Variants in MAGI2 observed in about 807,000 individuals in gnomAD.
MAGI2 encodes the protein membrane-associated guanylate kinase, WW and PDZ domain-containing protein 2.
A neutral mutation model predicts 133.3 loss-of-function variants in MAGI2; 35 were observed. The ratio of observed to expected loss-of-function variants is 0.26; its 90% CI spans 0.20 to 0.35. MAGI2 has a LOEUF of 0.35. Among genes scored for constraint, MAGI2 ranks in the 10% least tolerant of loss-of-function variants. MAGI2 has a pLI of 1.00. For synonymous variants in MAGI2, 729 were observed against 710.6 expected (o/e 1.03, Z -0.41); for missense variants, 1,636 against 1,863.4 (o/e 0.88, Z 2.25).
chr7:78,161,631 C>A (rs1584206885), intron 15 of MAGI2, among the ~76,000 whole-genome samples: 1 of 46,442 alleles, frequency 2.2e-5, no homozygotes, highest in Non-Finnish European at 4.1e-5. Flanking sequence ...GGAGAAAAAA[C>A]AAAGACTGCA....
At position 79,171,311 on chromosome 7, in the gene MAGI2, T is replaced by A. The variant is rs878869402; in HGVS notation, c.302-164105A>T. Among the ~76,000 whole-genome samples the A allele has an allele frequency of 4.6e-5, 7 of 152,084 alleles. 1 individual carries two copies. The highest frequency in any genetic ancestry group is 4.6e-4 in the Admixed American group (7 of 15,242). ...TCACAGGGTATTCTCCCCCTGAGTGTGCCTTTGTGTCCAAATCTTCCCTTT... is the reference window on the plus strand; with the variant it reads ...TCACAGGGTATTCTCCCCCTGAGTGAGCCTTTGTGTCCAAATCTTCCCTTT... On this transcript the variant is annotated intron_variant, in intron 1 of 21. Transcript: ENST00000354212.
At chr7:78,287,690 G>GTAAAC (rs1229754694) in intron 9 of MAGI2, among the ~76,000 whole-genome samples, 1 of 152,184 alleles carries the variant, frequency 6.6e-6, no homozygotes, top group Non-Finnish European at 1.5e-5. Context: ...GAAGATGAAT[G>GTAAAC]TAAACTACAG....
At chr7:78,527,006 C>CAAAAAAAAAAAAAAAAAAAAAA (rs55707442) in intron 3 of MAGI2, among the ~76,000 whole-genome samples, 9 of 45,412 alleles carry the variant, frequency 2.0e-4, no homozygotes, top group Admixed American at 3.4e-4. Flanking sequence ...GACTCCATCT[C>CAAAAAAAAAAAAAAAAAAAAAA]AAAAAAAAAA....
chr7:78,457,991 A>G (rs1006827953), intron 6 of MAGI2, among the ~76,000 whole-genome samples: 6 of 152,158 alleles, frequency 3.9e-5, no homozygotes, highest in African/African-American at 4.8e-5. Context: ...TAGTCTACAC[A>G]TAGTTTAAAT....
intron 2 of MAGI2, among the ~76,000 whole-genome samples, chr7:78,740,990 C>T (rs1417178805): frequency 6.6e-6 from 1 of 152,128 alleles, no homozygotes; most frequent in South Asian, 2.1e-4. Context: ...ACTTAATCAA[C>T]ATCGAAAAAA....
At chr7:78,339,099 C>T (rs989673535) in intron 9 of MAGI2, among the ~76,000 whole-genome samples, 2 of 152,206 alleles carry the variant, frequency 1.3e-5, no homozygotes, top group East Asian at 1.9e-4. Flanking sequence ...GTTACAATTA[C>T]GTGTTTATGG....
intron 2 of MAGI2, among the ~76,000 whole-genome samples, chr7:78,892,489 G>A (rs1364726364): frequency 1.3e-5 from 2 of 151,954 alleles, no homozygotes; most frequent in South Asian, 4.2e-4. Context: ...ATACTACAAG[G>A]CTACAGTAAC....
chr7:78,749,568 A>C (rs1006748516), intron 2 of MAGI2, among the ~76,000 whole-genome samples: 16 of 152,196 alleles, frequency 1.1e-4, no homozygotes, highest in African/African-American at 3.9e-4. Flanking sequence ...GAAAGCCCAA[A>C]GATCACACTG....
chr7:78,639,368 A>G (rs1810026345), intron 2 of MAGI2, among the ~76,000 whole-genome samples: 1 of 152,170 alleles, frequency 6.6e-6, no homozygotes, highest in South Asian at 2.1e-4. Context: ...GAGGCTCTCA[A>G]GTACACACAT....
chr7:78,390,523 T>C (rs1795804529), intron 6 of MAGI2, among the ~76,000 whole-genome samples: 2 of 152,042 alleles, frequency 1.3e-5, no homozygotes, highest in Admixed American at 6.6e-5. Flanking sequence ...ATGTAGGTTG[T>C]CTTGACTTGG....
intron 2 of MAGI2, among the ~76,000 whole-genome samples, chr7:78,935,789 G>A (rs1800465027): frequency 6.6e-6 from 1 of 152,004 alleles, no homozygotes. Context: ...AAACTGTAAA[G>A]TTATATTGGT....
chr7:79,152,582 G>A (rs1451164266), intron 1 of MAGI2, among the ~76,000 whole-genome samples: 1 of 152,152 alleles, frequency 6.6e-6, no homozygotes, highest in Non-Finnish European at 1.5e-5. Flanking sequence ...CTGTCTGCTG[G>A]TTTCCAAACA....
chr7:78,500,178 G>C (rs1008999546), intron 5 of MAGI2, among the ~76,000 whole-genome samples: 5 of 152,214 alleles, frequency 3.3e-5, no homozygotes, highest in Admixed American at 3.3e-4. Flanking sequence ...ATGATTCAGA[G>C]TTTCCAACTT....
At chr7:78,234,966 T>C (rs1187583035) in intron 10 of MAGI2, among the ~76,000 whole-genome samples, 1 of 152,272 alleles carries the variant, frequency 6.6e-6, no homozygotes, top group East Asian at 1.9e-4. Flanking sequence ...GTGAGGAATG[T>C]GATTTTTTTT....
In MAGI2 at chr7:78,195,025, C is replaced by A; in HGVS notation, c.2118G>T (p.Thr706=). ...DRWENQGSPQ[T]SLSAPAIPQN... ...GCGGTATGGCCGGAGCAGATAAACT[C>A]GTTTGAGGACTGCCTTGATTCTCCC... is the stretch of plus-strand genomic sequence containing the variant. Residue 706 remains threonine (T), a synonymous_variant, in exon 12 of 22, where the codon ACG becomes ACT. Coordinates refer to ENST00000354212, the MANE Select transcript of MAGI2 (RefSeq NM_012301.4). 1 of 1,612,872 alleles carries A rather than the reference C, an allele frequency of 6.2e-7. No individual in the cohort carries two copies. The highest frequency in any genetic ancestry group is 8.5e-7 in the Non-Finnish European group (1 of 1,179,532).
At chr7:79,038,909 G>A (rs1811360089) in intron 1 of MAGI2, among the ~76,000 whole-genome samples, 1 of 152,152 alleles carries the variant, frequency 6.6e-6, no homozygotes, top group African/African-American at 2.4e-5. Context: ...AACCACAGAG[G>A]CAGAATCCAC....
chr7:79,369,373 G>C (rs1239570266), intron 1 of MAGI2, among the ~76,000 whole-genome samples: 1 of 152,072 alleles, frequency 6.6e-6, no homozygotes, highest in Non-Finnish European at 1.5e-5. Context: ...ACTCAACTTA[G>C]TCCTCTAACC....
At chr7:78,428,808 C>CTA (rs1239416837) in intron 6 of MAGI2, among the ~76,000 whole-genome samples, 1 of 152,188 alleles carries the variant, frequency 6.6e-6, no homozygotes, top group African/African-American at 2.4e-5. Context: ...CTCACCAATG[C>CTA]TATAGGTCGC....
chr7:78,951,598 A>C (rs553723215), intron 2 of MAGI2, among the ~76,000 whole-genome samples: 1 of 152,278 alleles, frequency 6.6e-6, no homozygotes, highest in East Asian at 1.9e-4. Context: ...TGGGAACTGC[A>C]AGTCAAGATG....
Sources: gnomAD v4.1 joint callset for allele counts (sites outside exome capture counted in the v4.1 genomes callset) on GRCh38, gnomAD v4.1.1 for gene constraint, MANE v1.5 for transcripts, NCBI Gene and HGNC (gene_info 2026-07-23, HGNC 2026-07-21) for gene names.